The following ZNF426 variants were observed in gnomAD, a reference collection of about 807,000 sequenced individuals.
ZNF426 encodes zinc finger protein 426, also known as CTC-543D15.7.
In ZNF426, 23 loss-of-function variants were observed where a neutral mutation model predicts 24.0. That is an observed-to-expected ratio of 0.96 (90% CI 0.69 to 1.36). The LOEUF (loss-of-function observed/expected upper bound fraction) is 1.36, where lower values mean the gene tolerates loss of function less well. ZNF426 is among the 40% of genes most tolerant of loss of function. The probability of loss-of-function intolerance (pLI) is 0.00; values close to 1 mark genes in which losing one functional copy is unlikely to be tolerated. For missense variants in ZNF426, 646 were observed against 658.4 expected (o/e 0.98, Z 0.21); for synonymous variants, 272 against 224.6 (o/e 1.21, Z -1.89).
intron 2 of ZNF426, among the ~76,000 whole-genome samples, chr19:9,537,214 G>A (rs1310562983): frequency 6.6e-6 from 1 of 151,956 alleles, no homozygotes; most frequent in Non-Finnish European, 1.5e-5. Context: ...TACAGAATGG[G>A]AGTCAAATGA....
In ZNF426 at chr19:9,528,989, A is replaced by T; in HGVS notation, c.1056T>A (p.Ser352Arg). The T allele has an allele frequency of 1.2e-6, 2 of 1,613,204 alleles. No homozygotes were observed. Among genetic ancestry groups the T allele is most frequent in the Non-Finnish European group, 1.7e-6 (2 of 1,179,710 alleles). The change falls in exon 8 of 8, where the codon AGT becomes AGA. Residue 352 changes from serine to arginine, a missense_variant. Ser to Arg is a moderately radical substitution (Grantham distance 110). Transcript: ENST00000253115. ...GKAFTQYSGL[S>R]MHVRSHSGDK... The stretch of plus-strand genomic sequence containing the variant: ...CTCCACTGTGAGATCGTACATGCAT[A>T]CTAAGGCCCGAGTACTGAGTGAAGG...
Position 9,536,356 on chromosome 19 carries a change from C to G in ZNF426, c.-124G>C. ...CTCTTTAAACAGGGTTATTGGGATT[C>G]CTGTTGGTATTAATCAATAATCAAC... On this transcript the variant is annotated splice_region_variant and 5_prime_UTR_variant, in exon 3 of 8. Transcript: ENST00000253115. The G allele has an allele frequency of 6.3e-7, 1 of 1,590,738 alleles. No individual in the cohort carries two copies. Among genetic ancestry groups the G allele is most frequent in the African/African-American group, 1.3e-5 (1 of 74,634 alleles).
rs1046027006 is a variant in ZNF426, at chr19:9,526,197, G to A, written c.*2183C>T. The A allele has an allele frequency of 6.6e-6, 1 of 150,934 alleles. No individual in the cohort carries two copies. Among genetic ancestry groups the A allele is most frequent in the South Asian group, 2.1e-4 (1 of 4,762 alleles). 9.3% of individuals were successfully genotyped at this position (150,934 alleles called of 1,614,324 possible). A position where few individuals can be genotyped will look rare whatever the true frequency, so the allele number is the denominator to read the frequency against. ...CATGATTACTAGAGGCCTGCTTACA[G>A]CATTTCCTCTTATCCAGTATGCCAT... On this transcript the variant is annotated 3_prime_UTR_variant, in exon 8 of 8. Coordinates refer to ENST00000253115, the MANE Select transcript of ZNF426 (RefSeq NM_024106.3).
At position 9,528,331 on chromosome 19, in the gene ZNF426, C is replaced by T; in HGVS notation, c.*49G>A. On this transcript the variant is annotated 3_prime_UTR_variant, in exon 8 of 8. Coordinates refer to ENST00000253115, the MANE Select transcript of ZNF426 (RefSeq NM_024106.3). ...AGTTCATTCATGTCTTTAAAGTGAA[C>T]TGGAACAAATGAGAGCTTTCCCACA... 6.6e-7 allele frequency: 1 copy of T among 1,511,460 alleles called. No homozygotes were observed. The highest frequency in any genetic ancestry group is 2.3e-5 in the East Asian group (1 of 44,174). 93.6% of individuals were successfully genotyped at this position (1,511,460 alleles called of 1,614,324 possible). A position where few individuals can be genotyped will look rare whatever the true frequency, so the allele number is the denominator to read the frequency against.
rs2073926614 is a variant in ZNF426 at position 9,533,954 on chromosome 19, A to C, written c.130T>G (p.Phe44Val). 2 of 1,613,404 alleles carry C rather than the reference A, an allele frequency of 1.2e-6. No homozygotes were observed. The highest frequency in any genetic ancestry group is 3.3e-5 in the Admixed American group (2 of 59,846). ...LTDCYQDSVT[F>V]DDVAVDFTQE... is the part of the protein sequence containing the mutation. ...GTGAAGTCCACAGCCACATCGTCAA[A>C]GGTCACTGAATCCTAAAGCATCACA... The change falls in exon 5 of 8, where the codon TTT becomes GTT. Residue 44 changes from phenylalanine to valine, a missense_variant. Phe to Val is a conservative substitution (Grantham distance 50). Coordinates refer to ENST00000253115, the MANE Select transcript of ZNF426 (RefSeq NM_024106.3).
Position 9,524,974 on chromosome 19 carries a change from G to A in ZNF426, c.*3406C>T, listed in dbSNP as rs1444432918. On this transcript the variant is annotated 3_prime_UTR_variant, in exon 8 of 8. Coordinates refer to ENST00000253115, the MANE Select transcript of ZNF426 (RefSeq NM_024106.3). ...ATATTAAAAAGGAAGGATTGGCTGG[G>A]CGCGGTGGCTCACGCCTGTAATCCC... is the stretch of plus-strand genomic sequence containing the variant. 4 of 152,028 alleles carry A rather than the reference G, an allele frequency of 2.6e-5. No homozygotes were observed. Among genetic ancestry groups the A allele is most frequent in the African/African-American group, 9.7e-5 (4 of 41,388 alleles). The allele number at this position is 152,028 out of a possible 1,614,324, so 9.4% of individuals were successfully genotyped here.
At chr19:9,531,847 T>C (rs546928773) in intron 6 of ZNF426, among the ~76,000 whole-genome samples, 171 of 152,232 alleles carry the variant, frequency 1.1e-3, no homozygotes, top group African/African-American at 3.5e-3. Context: ...TAGCCAGGCA[T>C]GGTGGCAGGC....
In ZNF426 at chr19:9,528,549, G is replaced by C; in HGVS notation, c.1496C>G (p.Thr499Ser). The change falls in exon 8 of 8, where the codon ACT becomes AGT. Residue 499 changes from threonine to serine, a missense_variant. Thr to Ser is a moderately conservative substitution (Grantham distance 58). Coordinates refer to ENST00000253115, the MANE Select transcript of ZNF426 (RefSeq NM_024106.3). ...CTTGCATTCATAGGGTTTCTCTCCAGTGTGAGTCCTTTCATGTATTTGAAA... is the reference window on the plus strand; with the variant it reads ...CTTGCATTCATAGGGTTTCTCTCCACTGTGAGTCCTTTCATGTATTTGAAA... ...SSFQIHERTH[T>S]GEKPYECKEC... 1 of 1,614,188 alleles carries C rather than the reference G, an allele frequency of 6.2e-7. No homozygotes were observed. The highest frequency in any genetic ancestry group is 8.5e-7 in the Non-Finnish European group (1 of 1,180,026).
chr19:9,535,391 G>A (rs763994382), intron 3 of ZNF426, 112 bp from the exon 4 acceptor site: 3 of 722,762 alleles, frequency 4.2e-6, no homozygotes, highest in Non-Finnish European at 7.0e-6. Flanking sequence ...TGCAAAATCA[G>A]GAAAACACAC....
rs8100409 is a variant in ZNF426, at chr19:9,531,090, A to G, written c.326-23T>C. 7.9e-3 allele frequency: 12,552 copies of G among 1,596,848 alleles called. 892 individuals carry two copies. The African/African-American group carries it at 0.15, about 19-fold the overall frequency. On this transcript the variant is annotated intron_variant, in intron 6 of 7. Transcript: ENST00000253115. Reference sequence around the variant, plus strand: ...ATCCTGAAATAAAACAGACAAACAAATAAAAGGACTCAAGCTAGGCACAGT... The same window carrying G: ...ATCCTGAAATAAAACAGACAAACAAGTAAAAGGACTCAAGCTAGGCACAGT...
intron 6 of ZNF426, among the ~76,000 whole-genome samples, chr19:9,531,437 A>G (rs1256275858): frequency 6.6e-6 from 1 of 152,196 alleles, no homozygotes; most frequent in Non-Finnish European, 1.5e-5. Flanking sequence ...TCAAAACAAT[A>G]TGGCTTATTT....
chr19:9,524,193 T>C lies in ZNF426; in HGVS notation c.*4187A>G, dbSNP rs998216096. The C allele has an allele frequency of 3.3e-5, 5 of 152,308 alleles. No homozygotes were observed. The highest frequency in any genetic ancestry group is 1.3e-4 in the Admixed American group (2 of 15,278). 9.4% of individuals were successfully genotyped at this position (152,308 alleles called of 1,614,324 possible). ...GATTTTCCCACATTCCGTATAAACATAGGTTTTCTCCTAGTGGGAGTTTTG... is the reference window on the plus strand; with the variant it reads ...GATTTTCCCACATTCCGTATAAACACAGGTTTTCTCCTAGTGGGAGTTTTG... On this transcript the variant is annotated 3_prime_UTR_variant, in exon 8 of 8. Coordinates refer to ENST00000253115, the MANE Select transcript of ZNF426 (RefSeq NM_024106.3).
chr19:9,529,520 G>A lies in ZNF426; in HGVS notation c.525C>T (p.Asp175=), dbSNP rs780139761. The change falls in exon 8 of 8, where the codon GAC becomes GAT. Residue 175 remains aspartate, a synonymous_variant. Coordinates refer to ENST00000253115, the MANE Select transcript of ZNF426 (RefSeq NM_024106.3). ...VRTQSTGNTH[D]CNQYGKDFLT... ...GGAAATCTTTTCCATACTGATTACA[G>A]TCATGAGTGTTCCCTGTACTTTGAG... 2 of 1,612,944 alleles carry A rather than the reference G, an allele frequency of 1.2e-6. No individual in the cohort carries two copies. Among genetic ancestry groups the A allele is most frequent in the Non-Finnish European group, 8.5e-7 (1 of 1,180,022 alleles).
At chr19:9,533,313 G>A (rs986245275) in intron 5 of ZNF426, among the ~76,000 whole-genome samples, 7 of 152,102 alleles carry the variant, frequency 4.6e-5, no homozygotes, top group African/African-American at 1.2e-4. Context: ...AAAAATAGCT[G>A]GGTGTGGTGG....
At chr19:9,538,511 C>T (rs2074002674) in intron 1 of ZNF426, 64 bp downstream of exon 1, 1 of 152,288 alleles carries the variant, frequency 6.6e-6, no homozygotes, top group Non-Finnish European at 1.5e-5. Flanking sequence ...CGGGCCAGGC[C>T]TCTCTAACGT....
intron 1 of ZNF426, 103 bp from the exon 2 acceptor site, chr19:9,538,448 C>G (rs535876690): frequency 2.6e-5 from 4 of 152,408 alleles, no homozygotes; most frequent in South Asian, 2.1e-4. Flanking sequence ...CGACTCCTCC[C>G]GAGGAGCGAC....
intron 2 of ZNF426, among the ~76,000 whole-genome samples, chr19:9,536,978 C>T (rs937156054): frequency 2.0e-5 from 3 of 151,838 alleles, no homozygotes; most frequent in Non-Finnish European, 2.9e-5. Flanking sequence ...ACTAAAAATA[C>T]AAAAATTAGC....
chr19:9,534,703 T>A (rs2073938852), intron 4 of ZNF426, among the ~76,000 whole-genome samples: 1 of 151,990 alleles, frequency 6.6e-6, no homozygotes, highest in Non-Finnish European at 1.5e-5. Context: ...GAAGTGATCC[T>A]CCCACTTCAG....
At chr19:9,536,394 A>C in intron 2 of ZNF426, 38 bp from the exon 3 acceptor site, 1 of 1,521,608 alleles carries the variant, frequency 6.6e-7, no homozygotes, top group Non-Finnish European at 8.8e-7. Flanking sequence ...GCAGTACTTA[A>C]TCATCAGCCA....
Sources: gnomAD v4.1 joint callset for allele counts (sites outside exome capture counted in the v4.1 genomes callset) on GRCh38, gnomAD v4.1.1 for gene constraint, MANE v1.5 for transcripts, NCBI Gene and HGNC (gene_info 2026-07-23, HGNC 2026-07-21) for gene names.